Variants in PBX3 observed in about 807,000 individuals in gnomAD.
The protein encoded by PBX3 is pre-B-cell leukemia transcription factor 3.
Under a neutral mutation model 48.5 loss-of-function variants are expected in PBX3, and 14 were observed. The observed-to-expected ratio is 0.29, with a 90% confidence interval of 0.19 to 0.45. PBX3 has a LOEUF of 0.45. PBX3 is among the 20% of genes least tolerant of loss of function. PBX3 has a pLI of 1.00. For missense variants in PBX3, 386 were observed against 546.7 expected (o/e 0.71, Z 2.93); for synonymous variants, 210 against 200.3 (o/e 1.05, Z -0.41).
rs2132557336 is a variant in PBX3, at chr9:125,944,967, A to G, written c.843+9360A>G. On this transcript the variant is annotated intron_variant, in intron 5 of 8. Coordinates refer to ENST00000373489, the MANE Select transcript of PBX3 (RefSeq NM_006195.6). The stretch of plus-strand genomic sequence containing the variant: ...GCTGGGCATGGTGGCTCACACCTGT[A>G]ATCCCAGCACTTTGGGAAGCTGAGG... 1.3e-5 allele frequency among the ~76,000 whole-genome samples: 2 copies of G among 152,244 alleles called. 1 individual carries two copies. The highest frequency in any genetic ancestry group is 3.9e-4 in the East Asian group (2 of 5,178).
intron 2 of PBX3, among the ~76,000 whole-genome samples, chr9:125,878,918 A>G (rs1270282926): frequency 6.6e-6 from 1 of 152,016 alleles, no homozygotes; most frequent in Non-Finnish European, 1.5e-5. Flanking sequence ...TTTTTTGTGT[A>G]TATCTTTTAA....
chr9:125,750,769 G>A (rs1051314025), intron 2 of PBX3, among the ~76,000 whole-genome samples: 1 of 152,194 alleles, frequency 6.6e-6, no homozygotes, highest in African/African-American at 2.4e-5. Context: ...GGCTGTCTGG[G>A]TAGAGGCATC....
At chr9:125,933,917 G>T (rs991745228) in intron 4 of PBX3, among the ~76,000 whole-genome samples, 1 of 152,036 alleles carries the variant, frequency 6.6e-6, no homozygotes, top group Non-Finnish European at 1.5e-5. Context: ...CCTCTTCAAT[G>T]TGCTCTCACC....
chr9:125,893,363 A>G (rs1413195754), intron 2 of PBX3, among the ~76,000 whole-genome samples: 1 of 152,230 alleles, frequency 6.6e-6, no homozygotes, highest in East Asian at 1.9e-4. Flanking sequence ...AGACAAAGGT[A>G]TAAACTTTCA....
intron 2 of PBX3, among the ~76,000 whole-genome samples, chr9:125,823,397 T>C (rs1187491516): frequency 6.6e-6 from 1 of 152,224 alleles, no homozygotes; most frequent in East Asian, 1.9e-4. Flanking sequence ...ATGCTGTTCA[T>C]TGAAGTATTA....
chr9:125,923,328 G>A (rs1012597929), intron 3 of PBX3, among the ~76,000 whole-genome samples: 3 of 152,080 alleles, frequency 2.0e-5, no homozygotes, highest in East Asian at 1.9e-4. Context: ...GATATATGCC[G>A]TGTCATAGAT....
intron 2 of PBX3, among the ~76,000 whole-genome samples, chr9:125,781,936 C>G (rs964864462): frequency 6.6e-6 from 1 of 151,964 alleles, no homozygotes. Flanking sequence ...CCCTCCATTA[C>G]CTTCTTTTGT....
chr9:125,774,660 G>T (rs1403393099), intron 2 of PBX3, among the ~76,000 whole-genome samples: 1 of 74,506 alleles, frequency 1.3e-5, no homozygotes, highest in African/African-American at 6.7e-5. Flanking sequence ...TGGGCAGTTG[G>T]GTTTTTTTTT....
In PBX3 at chr9:125,747,667, C is replaced by A; in HGVS notation, c.200+14C>A. 1 of 1,570,222 alleles carries A rather than the reference C, an allele frequency of 6.4e-7. No individual in the cohort carries two copies. The highest frequency in any genetic ancestry group is 8.6e-7 in the Non-Finnish European group (1 of 1,157,466). On this transcript the variant is annotated intron_variant, in intron 1 of 8. Coordinates refer to ENST00000373489, the MANE Select transcript of PBX3 (RefSeq NM_006195.6). ...GGCGCAAGCAAAGTTGGTGTCGTCT[C>A]ATTAAGCATCTTTTGTGTGTGTGCG...
intron 2 of PBX3, 79 bp from the exon 3 acceptor site, chr9:125,915,607 G>T (rs924949700): frequency 4.5e-6 from 5 of 1,107,722 alleles, no homozygotes; most frequent in Non-Finnish European, 6.4e-6. Flanking sequence ...TCATTTTCTC[G>T]AATAAACAAA....
At chr9:125,894,610 A>G (rs941762893) in intron 2 of PBX3, among the ~76,000 whole-genome samples, 6 of 152,094 alleles carry the variant, frequency 3.9e-5, no homozygotes, top group Non-Finnish European at 8.8e-5. Flanking sequence ...AGTGGGTTCA[A>G]TTCATGCCTA....
chr9:125,823,074 A>G (rs1405372067), intron 2 of PBX3, among the ~76,000 whole-genome samples: 1 of 151,838 alleles, frequency 6.6e-6, no homozygotes. Context: ...CTATTTAGCA[A>G]GTATGCCTCT....
chr9:125,873,430 GA>G (rs1388028354), intron 2 of PBX3, among the ~76,000 whole-genome samples: 1 of 152,010 alleles, frequency 6.6e-6, no homozygotes, highest in Non-Finnish European at 1.5e-5. Flanking sequence ...TAGGAACACT[GA>G]AAAAAACTTA....
chr9:125,819,647 T>C (rs1212067572), intron 2 of PBX3, among the ~76,000 whole-genome samples: 1 of 152,188 alleles, frequency 6.6e-6, no homozygotes. Context: ...TAGATATAGA[T>C]ATGGGCAAAG....
chr9:125,878,280 A>C (rs551803030), intron 2 of PBX3, among the ~76,000 whole-genome samples: 1 of 152,342 alleles, frequency 6.6e-6, no homozygotes, highest in African/African-American at 2.4e-5. Context: ...GAGGGGGGTA[A>C]GAGGAGTGTC....
chr9:125,840,679 CTG>C (rs1839265914), intron 2 of PBX3, among the ~76,000 whole-genome samples: 1 of 151,792 alleles, frequency 6.6e-6, no homozygotes, highest in Non-Finnish European at 1.5e-5. Flanking sequence ...TACTTGAAAA[CTG>C]TTAGTTTTAA....
At chr9:125,853,359 G>A (rs1265062149) in intron 2 of PBX3, among the ~76,000 whole-genome samples, 2 of 152,054 alleles carry the variant, frequency 1.3e-5, no homozygotes, top group African/African-American at 4.8e-5. Context: ...AAAAATTAGT[G>A]TAAAAAACAC....
chr9:125,784,559 G>A (rs985584785), intron 2 of PBX3, among the ~76,000 whole-genome samples: 5 of 152,170 alleles, frequency 3.3e-5, no homozygotes, highest in Non-Finnish European at 7.4e-5. Flanking sequence ...GGCTGTTTGT[G>A]TTTGGACTTG....
intron 2 of PBX3, among the ~76,000 whole-genome samples, chr9:125,826,118 C>A (rs1367160452): frequency 6.6e-6 from 1 of 152,084 alleles, no homozygotes; most frequent in East Asian, 1.9e-4. Flanking sequence ...GCTAAAATTG[C>A]CTGTAGTGAA....
Sources: allele counts gnomAD v4.1 joint callset (sites outside exome capture counted in the v4.1 genomes callset), GRCh38; gene constraint gnomAD v4.1.1; transcripts MANE v1.5; gene names NCBI Gene and HGNC (gene_info 2026-07-23, HGNC 2026-07-21).